The following CD80 variants were observed in gnomAD, a reference collection of about 807,000 sequenced individuals.
The protein encoded by CD80 is T-lymphocyte activation antigen CD80.
A neutral mutation model predicts 27.1 loss-of-function variants in CD80; 13 were observed. That is an observed-to-expected ratio of 0.48 (90% CI 0.31 to 0.76). CD80 has a LOEUF of 0.76. Among genes scored for constraint, CD80 ranks in the 30% least tolerant of loss-of-function variants. CD80 has a pLI of 0.04. For synonymous variants in CD80, 125 were observed against 125.5 expected (o/e 1.00, Z 0.03); for missense variants, 277 against 347.9 (o/e 0.80, Z 1.62).
intron 4 of CD80, among the ~76,000 whole-genome samples, chr3:119,532,854 C>G (rs2107740592): frequency 6.6e-6 from 1 of 152,294 alleles, no homozygotes; most frequent in South Asian, 2.1e-4. Flanking sequence ...TTCCTAGGCT[C>G]TAATAACTCC....
chr3:119,538,720 A>G (rs1345457321), intron 3 of CD80, among the ~76,000 whole-genome samples: 3 of 152,194 alleles, frequency 2.0e-5, no homozygotes, highest in African/African-American at 7.2e-5. Context: ...CAATACATAA[A>G]TAGAGAAGGC....
At chr3:119,533,984 A>G (rs755676395) in intron 4 of CD80, among the ~76,000 whole-genome samples, 2 of 152,170 alleles carry the variant, frequency 1.3e-5, no homozygotes, top group Admixed American at 1.3e-4. Context: ...TGAGACATTT[A>G]TACCCTAAAG....
In CD80 at chr3:119,557,696, T is replaced by C. The variant is rs1422021434; in HGVS notation, c.33A>G (p.Pro11=). 2 of 1,613,598 alleles carry C rather than the reference T, an allele frequency of 1.2e-6. No individual in the cohort carries two copies. Among genetic ancestry groups the C allele is most frequent in the South Asian group, 2.2e-5 (2 of 90,940 alleles). ...AGAAATTGAGGTATGGACACTTGGA[T>C]GGTGATGTTCCCTGCCTCCGTGTGT... MGHTRRQGTS[P]SKCPYLNFFQ... is the part of the protein sequence containing the mutation. The change falls in exon 2 of 7, where the codon CCA becomes CCG. Residue 11 remains proline, a synonymous_variant. Transcript: ENST00000264246.
At chr3:119,550,613 C>T (rs951732514) in intron 2 of CD80, among the ~76,000 whole-genome samples, 2 of 152,146 alleles carry the variant, frequency 1.3e-5, no homozygotes, top group African/African-American at 2.4e-5. Context: ...ATGTCTCTAA[C>T]GATTTTGTCT....
intron 3 of CD80, 52 bp from the exon 4 acceptor site, chr3:119,537,470 G>T: frequency 1.6e-6 from 2 of 1,213,698 alleles, no homozygotes; most frequent in East Asian, 2.4e-5. Flanking sequence ...ACCTATGTGT[G>T]TAGAGGTTTA....
chr3:119,534,450 C>T (rs1311966439), intron 4 of CD80, among the ~76,000 whole-genome samples: 6 of 151,574 alleles, frequency 4.0e-5, no homozygotes, highest in Admixed American at 3.3e-4. Flanking sequence ...TATGTCTTGT[C>T]TGTGGCTGCT....
At chr3:119,547,502 C>T (rs1364585332) in intron 2 of CD80, among the ~76,000 whole-genome samples, 1 of 152,206 alleles carries the variant, frequency 6.6e-6, no homozygotes, top group Non-Finnish European at 1.5e-5. Flanking sequence ...ACAAGACTTG[C>T]AGATATCTGA....
intron 5 of CD80, among the ~76,000 whole-genome samples, chr3:119,529,059 C>T (rs553605517): frequency 8.6e-5 from 13 of 152,034 alleles, no homozygotes; most frequent in Non-Finnish European, 1.8e-4. Context: ...AAGCAATTCT[C>T]CTGCTTCAGC....
At chr3:119,540,361 T>A (rs2082160776) in intron 3 of CD80, among the ~76,000 whole-genome samples, 1 of 152,106 alleles carries the variant, frequency 6.6e-6, no homozygotes, top group South Asian at 2.1e-4. Context: ...GCACCTACAA[T>A]AATGAGGATA....
At chr3:119,531,610 CCT>C (rs755657739) in intron 4 of CD80, among the ~76,000 whole-genome samples, 1 of 151,998 alleles carries the variant, frequency 6.6e-6, no homozygotes, top group Non-Finnish European at 1.5e-5. Context: ...GTCCAAGATC[CCT>C]GTTTTTACTT....
intron 5 of CD80, among the ~76,000 whole-genome samples, chr3:119,528,045 C>T (rs1270924312): frequency 6.6e-6 from 1 of 152,074 alleles, no homozygotes; most frequent in Non-Finnish European, 1.5e-5. Flanking sequence ...TTGATTGTCG[C>T]AACGGGCAAG....
intron 4 of CD80, 47 bp downstream of exon 4, chr3:119,537,089 CT>C: frequency 6.0e-6 from 9 of 1,507,080 alleles, no homozygotes; most frequent in Non-Finnish European, 8.2e-6. Context: ...ACTATATTGT[CT>C]TTTTAGATTC....
chr3:119,528,858 G>A (rs995080077), intron 5 of CD80, among the ~76,000 whole-genome samples: 16 of 84 alleles, frequency 0.19, no homozygotes, highest in Admixed American at 0.17. Context: ...CCTGGGAGGC[G>A]GAGGTGCAGT....
chr3:119,548,677 AG>A (rs1194740073), intron 2 of CD80, among the ~76,000 whole-genome samples: 1 of 152,130 alleles, frequency 6.6e-6, no homozygotes, highest in African/African-American at 2.4e-5. Context: ...ACAGTCAGTA[AG>A]TTAAGCCAAC....
At chr3:119,535,797 C>T (rs1264656636) in intron 4 of CD80, among the ~76,000 whole-genome samples, 3 of 152,072 alleles carry the variant, frequency 2.0e-5, no homozygotes, top group Non-Finnish European at 2.9e-5. Context: ...ACCATGGAAC[C>T]GTGTGGGTGG....
chr3:119,531,044 G>A (rs1455322174), intron 4 of CD80, among the ~76,000 whole-genome samples: 1 of 152,264 alleles, frequency 6.6e-6, no homozygotes, highest in Non-Finnish European at 1.5e-5. Context: ...CTCAATGTGT[G>A]ATGCTTAGTT....
intron 3 of CD80, among the ~76,000 whole-genome samples, chr3:119,540,493 A>G (rs1351412174): frequency 6.6e-6 from 1 of 152,006 alleles, no homozygotes; most frequent in Non-Finnish European, 1.5e-5. Flanking sequence ...ATGAAGTTTG[A>G]TATGTTCCTG....
chr3:119,553,638 A>T (rs919007658), intron 2 of CD80, among the ~76,000 whole-genome samples: 2 of 152,158 alleles, frequency 1.3e-5, no homozygotes, highest in South Asian at 4.1e-4. Flanking sequence ...CTGCCCTCGC[A>T]GGGGTCTGGG....
intron 2 of CD80, among the ~76,000 whole-genome samples, chr3:119,552,215 G>A (rs2082236666): frequency 6.6e-6 from 1 of 152,200 alleles, no homozygotes; most frequent in Non-Finnish European, 1.5e-5. Context: ...TCGGCCGGGC[G>A]TGGTGGCTCA....
Sources: allele counts gnomAD v4.1 joint callset (sites outside exome capture counted in the v4.1 genomes callset), GRCh38; gene constraint gnomAD v4.1.1; transcripts MANE v1.5; gene names NCBI Gene and HGNC (gene_info 2026-07-23, HGNC 2026-07-21).